The following DLGAP2 variants were observed in gnomAD, a reference collection of about 807,000 sequenced individuals.
DLGAP2 encodes DLG associated protein 2, also known as disks large-associated protein 2.
Under a neutral mutation model 100.3 loss-of-function variants are expected in DLGAP2, and 26 were observed. The ratio of observed to expected loss-of-function variants is 0.26; its 90% CI spans 0.19 to 0.36. The LOEUF (loss-of-function observed/expected upper bound fraction) is 0.36. Ranked by LOEUF, DLGAP2 falls within the 10% of genes least tolerant of loss-of-function variation. The probability of loss-of-function intolerance (pLI) is 1.00; values close to 1 mark genes in which losing one functional copy is unlikely to be tolerated. For synonymous variants in DLGAP2, 886 were observed against 630.1 expected (o/e 1.41, Z -6.08); for missense variants, 1,858 against 1,453.2 (o/e 1.28, Z -4.53).
chr8:1,156,557 C>T (rs1252796808), intron 2 of DLGAP2, among the ~76,000 whole-genome samples: 1 of 152,124 alleles, frequency 6.6e-6, no homozygotes, highest in Admixed American at 6.5e-5. Flanking sequence ...CCCGGCCACG[C>T]TCTAGCTCAG....
chr8:1,347,066 C>CCAT, intron 3 of DLGAP2, among the ~76,000 whole-genome samples: 1 of 151,730 alleles, frequency 6.6e-6, no homozygotes, highest in East Asian at 1.9e-4. Context: ...GGATGAGTTC[C>CCAT]ACACAGAGCT....
chr8:1,258,917 G>C (rs1799285088), intron 3 of DLGAP2, 34 bp downstream of exon 3: 1 of 1,231,644 alleles, frequency 8.1e-7, no homozygotes, highest in Non-Finnish European at 1.0e-6. Flanking sequence ...GGGTGGGCGG[G>C]GGCCGCGCGG....
At chr8:1,481,119 C>G (rs1016321054) in intron 3 of DLGAP2, among the ~76,000 whole-genome samples, 5 of 152,098 alleles carry the variant, frequency 3.3e-5, no homozygotes, top group Middle Eastern at 3.4e-3. Flanking sequence ...TTGCAGTGAG[C>G]CAAGATCACA....
chr8:1,358,954 A>T lies in DLGAP2; in HGVS notation c.106+100071A>T, dbSNP rs375603945. On this transcript the variant is annotated intron_variant, in intron 3 of 14. Coordinates refer to ENST00000637795, the MANE Select transcript of DLGAP2 (RefSeq NM_001346810.2). ...GAGAGTCTAGCTGGTCAGCAGCAGA[A>T]CCTCTGGGCCAGCGGGTCTGAAACT... 9.9e-5 allele frequency among the ~76,000 whole-genome samples: 15 copies of T among 152,170 alleles called. No individual in the cohort carries two copies. In the South Asian group the frequency reaches 1.2e-3, roughly 13 times the overall value.
chr8:1,669,813 C>T, intron 10 of DLGAP2, 29 bp downstream of exon 10: 1 of 780,906 alleles, frequency 1.3e-6, no homozygotes, highest in Non-Finnish European at 2.4e-6. Context: ...TCCAAAGCCG[C>T]GTCCGCATGA....
At chr8:816,252 T>A (rs989535140) in intron 1 of DLGAP2, among the ~76,000 whole-genome samples, 1 of 148,604 alleles carries the variant, frequency 6.7e-6, no homozygotes, top group Middle Eastern at 3.2e-3. Flanking sequence ...TTCATCATGC[T>A]ATTTGTTTCC....
At chr8:1,662,806 TGTGA>T (rs1220905295) in intron 8 of DLGAP2, among the ~76,000 whole-genome samples, 15 of 149,978 alleles carry the variant, frequency 1.0e-4, no homozygotes, top group African/African-American at 2.5e-4. Flanking sequence ...GAGTGTGGGC[TGTGA>T]GTGTGTGCAT....
intron 1 of DLGAP2, among the ~76,000 whole-genome samples, chr8:747,309 G>C (rs1820640826): frequency 6.6e-6 from 1 of 152,070 alleles, no homozygotes; most frequent in Admixed American, 6.5e-5. Context: ...CAGGGAAGGA[G>C]AAACCTCCTC....
intron 10 of DLGAP2, among the ~76,000 whole-genome samples, chr8:1,671,709 GC>G (rs1250018492): frequency 1.3e-5 from 2 of 152,222 alleles, no homozygotes; most frequent in African/African-American, 4.8e-5. Flanking sequence ...CTCCTTCCCT[GC>G]CCAGCTTAGA....
intron 3 of DLGAP2, among the ~76,000 whole-genome samples, chr8:1,355,075 A>G (rs1315472630): frequency 6.6e-6 from 1 of 152,264 alleles, no homozygotes; most frequent in East Asian, 1.9e-4. Flanking sequence ...ATGAGGGTGG[A>G]AAGTCACGGA....
At chr8:907,880 C>G (rs1314465434) in intron 1 of DLGAP2, 32 bp from the exon 2 acceptor site, 2 of 398,690 alleles carry the variant, frequency 5.0e-6, no homozygotes, top group Admixed American at 4.4e-5. Context: ...CGAATGATAA[C>G]AAATGTATTT....
intron 3 of DLGAP2, among the ~76,000 whole-genome samples, chr8:1,292,058 G>T (rs1800071046): frequency 6.6e-6 from 1 of 152,258 alleles, no homozygotes; most frequent in Non-Finnish European, 1.5e-5. Flanking sequence ...GGAAGATTCA[G>T]TAGAATGTTC....
chr8:1,350,877 G>A (rs1479599679), intron 3 of DLGAP2, among the ~76,000 whole-genome samples: 1 of 96,960 alleles, frequency 1.0e-5, no homozygotes, highest in African/African-American at 3.8e-5. Context: ...GAAAGGCCGC[G>A]CGGGTCCTGA....
At chr8:919,377 C>G (rs998495678) in intron 2 of DLGAP2, among the ~76,000 whole-genome samples, 1 of 152,148 alleles carries the variant, frequency 6.6e-6, no homozygotes, top group Non-Finnish European at 1.5e-5. Flanking sequence ...CTCAGTCTTT[C>G]TTGTTTGCCT....
intron 1 of DLGAP2, among the ~76,000 whole-genome samples, chr8:882,885 C>T (rs967442673): frequency 4.6e-5 from 7 of 152,382 alleles, no homozygotes; most frequent in African/African-American, 1.4e-4. Context: ...GCTCACGCTG[C>T]GACGTTGTTT....
intron 2 of DLGAP2, among the ~76,000 whole-genome samples, chr8:1,125,115 G>A (rs1273075708): frequency 6.6e-6 from 1 of 152,146 alleles, no homozygotes; most frequent in African/African-American, 2.4e-5. Context: ...GGCAGACTCG[G>A]ACCATTTTCC....
chr8:1,408,365 G>A (rs1193393507), intron 3 of DLGAP2, among the ~76,000 whole-genome samples: 1 of 152,156 alleles, frequency 6.6e-6, no homozygotes, highest in Admixed American at 6.5e-5. Context: ...TTCTCATCAG[G>A]GGAGAAATCA....
chr8:1,311,088 G>T (rs1354434806), intron 3 of DLGAP2, among the ~76,000 whole-genome samples: 1 of 151,664 alleles, frequency 6.6e-6, no homozygotes, highest in African/African-American at 2.4e-5. Flanking sequence ...AATTGGAAAG[G>T]AAAATGGGGA....
At chr8:1,572,744 GC>G (rs1802783273) in intron 6 of DLGAP2, among the ~76,000 whole-genome samples, 2 of 109,128 alleles carry the variant, frequency 1.8e-5, no homozygotes, top group African/African-American at 7.5e-5. Context: ...AACTGTGGGG[GC>G]GTCTGATGAG....
Sources: gnomAD v4.1 joint callset for allele counts (sites outside exome capture counted in the v4.1 genomes callset) on GRCh38, gnomAD v4.1.1 for gene constraint, MANE v1.5 for transcripts, NCBI Gene and HGNC (gene_info 2026-07-23, HGNC 2026-07-21) for gene names.